The following SYT1 variants were observed in gnomAD, a reference collection of about 807,000 sequenced individuals.
The protein encoded by SYT1 is synaptotagmin-1.
In SYT1, 8 loss-of-function variants were observed where a neutral mutation model predicts 44.8. The observed-to-expected ratio is 0.18, with a 90% CI of 0.10 to 0.32. The LOEUF is 0.32. Among genes scored for constraint, SYT1 ranks in the 10% least tolerant of loss-of-function variants. The pLI is 1.00. For missense variants in SYT1, 286 were observed against 509.3 expected (o/e 0.56, Z 4.22); for synonymous variants, 154 against 188.8 (o/e 0.82, Z 1.51).
At chr12:79,090,255 G>C (rs200326343) in intron 3 of SYT1, among the ~76,000 whole-genome samples, 1 of 152,010 alleles carries the variant, frequency 6.6e-6, no homozygotes, top group East Asian at 1.9e-4. Context: ...CTCATTGTAA[G>C]TTGGTACAGC....
chr12:79,298,516 G>A (rs1879982673), intron 7 of SYT1, among the ~76,000 whole-genome samples: 1 of 152,112 alleles, frequency 6.6e-6, no homozygotes, highest in African/African-American at 2.4e-5. Flanking sequence ...AATAGGAAGT[G>A]TATGAAAATT....
chr12:78,940,176 AT>A (rs527578739), intron 1 of SYT1, among the ~76,000 whole-genome samples: 50 of 150,394 alleles, frequency 3.3e-4, no homozygotes, highest in African/African-American at 4.6e-4. Flanking sequence ...CTGGTTGATG[AT>A]TTTTTTTTTC....
At chr12:79,277,443 A>C (rs951551072) in intron 4 of SYT1, among the ~76,000 whole-genome samples, 7 of 152,306 alleles carry the variant, frequency 4.6e-5, no homozygotes, top group African/African-American at 1.7e-4. Flanking sequence ...AGGTGAAGTA[A>C]AGTCATTCCC....
At chr12:79,218,981 C>T (rs568675580) in intron 4 of SYT1, among the ~76,000 whole-genome samples, 2 of 152,266 alleles carry the variant, frequency 1.3e-5, no homozygotes, top group South Asian at 4.1e-4. Flanking sequence ...TTCCCACCAA[C>T]AGTGTGCAAG....
intron 3 of SYT1, among the ~76,000 whole-genome samples, chr12:79,122,671 G>C (rs536463457): frequency 6.6e-6 from 1 of 151,330 alleles, no homozygotes; most frequent in Non-Finnish European, 1.5e-5. Flanking sequence ...CTGGTCAAAA[G>C]TAAGTTCCAT....
chr12:79,312,685 T>A (rs1880868300), intron 8 of SYT1, among the ~76,000 whole-genome samples: 1 of 152,092 alleles, frequency 6.6e-6, no homozygotes, highest in Admixed American at 6.6e-5. Flanking sequence ...ATTTTTTAAG[T>A]TATATTTTTT....
At chr12:78,866,639 G>A (rs955186176) in intron 1 of SYT1, among the ~76,000 whole-genome samples, 1 of 152,116 alleles carries the variant, frequency 6.6e-6, no homozygotes, top group Non-Finnish European at 1.5e-5. Flanking sequence ...TCAGATGGAA[G>A]GAGGTATAGA....
At chr12:78,927,124 G>A (rs1018947995) in intron 1 of SYT1, among the ~76,000 whole-genome samples, 2 of 151,986 alleles carry the variant, frequency 1.3e-5, no homozygotes, top group African/African-American at 4.8e-5. Flanking sequence ...AGCTCCTCAG[G>A]ACCCAAGTCC....
At chr12:79,446,961 G>A (rs1593074816) in intron 10 of SYT1, among the ~76,000 whole-genome samples, 1 of 152,196 alleles carries the variant, frequency 6.6e-6, no homozygotes, top group East Asian at 1.9e-4. Flanking sequence ...AACTCCCATT[G>A]AGCTACAATT....
intron 3 of SYT1, among the ~76,000 whole-genome samples, chr12:79,164,579 T>C (rs1431088836): frequency 6.6e-6 from 1 of 152,030 alleles, no homozygotes; most frequent in Non-Finnish European, 1.5e-5. Flanking sequence ...TCCTTAGTAA[T>C]TGCTTCTCTC....
At chr12:78,878,210 A>G (rs1874276806) in intron 1 of SYT1, among the ~76,000 whole-genome samples, 2 of 151,680 alleles carry the variant, frequency 1.3e-5, no homozygotes, top group Non-Finnish European at 2.9e-5. Flanking sequence ...ATAAGGGATT[A>G]CCTCTTTTCC....
At chr12:78,893,940 A>T (rs1188646427) in intron 1 of SYT1, among the ~76,000 whole-genome samples, 1 of 151,684 alleles carries the variant, frequency 6.6e-6, no homozygotes, top group African/African-American at 2.4e-5. Flanking sequence ...AGGGGCTTGG[A>T]ATGAGGAGGC....
chr12:78,867,542 G>A (rs889100364), intron 1 of SYT1, among the ~76,000 whole-genome samples: 2 of 151,890 alleles, frequency 1.3e-5, no homozygotes, highest in African/African-American at 4.8e-5. Context: ...TACAATCTTT[G>A]TTTTTTCTCC....
chr12:79,406,211 G>A (rs1310847234), intron 9 of SYT1, among the ~76,000 whole-genome samples: 3 of 152,098 alleles, frequency 2.0e-5, no homozygotes, highest in Non-Finnish European at 2.9e-5. Context: ...TGGACAGGTG[G>A]TCAGATACTT....
rs371499542 is a variant in SYT1 at position 79,258,056 on chromosome 12, C to A, written c.167-27731C>A. On this transcript the variant is annotated intron_variant, in intron 4 of 10. Transcript: ENST00000261205. ...AAAATCAACTGTTTAGATGAAGAAG[C>A]AAAATTAATTAGTAAATATAAAAAG... Among the ~76,000 whole-genome samples, 32 of 152,048 alleles carry A rather than the reference C, an allele frequency of 2.1e-4. No individual in the cohort carries two copies. In the South Asian group the frequency reaches 6.6e-3, roughly 32 times the overall value.
chr12:78,914,159 G>C (rs1319514762), intron 1 of SYT1, among the ~76,000 whole-genome samples: 1 of 151,596 alleles, frequency 6.6e-6, no homozygotes, highest in South Asian at 2.1e-4. Flanking sequence ...AAATTCTGAG[G>C]ATATACATAT....
At chr12:79,443,968 C>T (rs1214374842) in intron 9 of SYT1, 105 bp from the exon 10 acceptor site, 6 of 1,162,584 alleles carry the variant, frequency 5.2e-6, no homozygotes, top group Admixed American at 5.5e-5. Flanking sequence ...TAAATACATG[C>T]TATATAATTA....
At chr12:79,295,939 G>A in intron 6 of SYT1, 130 bp from the exon 7 acceptor site, 3 of 1,065,772 alleles carry the variant, frequency 2.8e-6, no homozygotes, top group South Asian at 2.0e-5. Flanking sequence ...AGATTCATAA[G>A]AGAATCAGAG....
chr12:79,296,556 C>T (rs1239516867), intron 7 of SYT1, among the ~76,000 whole-genome samples: 1 of 152,036 alleles, frequency 6.6e-6, no homozygotes, highest in East Asian at 1.9e-4. Context: ...TTCTGAATTT[C>T]AAAGTTTGTG....
Sources: allele counts gnomAD v4.1 joint callset (sites outside exome capture counted in the v4.1 genomes callset), GRCh38; gene constraint gnomAD v4.1.1; transcripts MANE v1.5; gene names NCBI Gene and HGNC (gene_info 2026-07-23, HGNC 2026-07-21).